The following ANKRD6 variants were observed in gnomAD, a reference collection of about 807,000 sequenced individuals.
ANKRD6 encodes ankyrin repeat domain-containing protein 6.
Under a neutral mutation model 82.3 loss-of-function variants are expected in ANKRD6, and 56 were observed. The observed-to-expected ratio is 0.68, with a 90% CI of 0.55 to 0.85. ANKRD6 has a LOEUF of 0.85. Among genes scored for constraint, ANKRD6 ranks in the 40% least tolerant of loss-of-function variants. The pLI is 0.00. For synonymous variants in ANKRD6, 347 were observed against 352.1 expected (o/e 0.99, Z 0.16); for missense variants, 852 against 907.6 (o/e 0.94, Z 0.79).
intron 1 of ANKRD6, among the ~76,000 whole-genome samples, chr6:89,492,118 G>T (rs1172385080): frequency 3.3e-5 from 5 of 152,228 alleles, no homozygotes; most frequent in African/African-American, 1.2e-4. Flanking sequence ...TTTGTTATGG[G>T]GCCTCAGCCA....
chr6:89,609,038 C>G (rs1486711926), intron 5 of ANKRD6, among the ~76,000 whole-genome samples: 2 of 152,228 alleles, frequency 1.3e-5, no homozygotes, highest in Non-Finnish European at 2.9e-5. Flanking sequence ...GACCTCCAAC[C>G]TGGCCCCAGG....
chr6:89,483,641 G>A (rs1446557971), intron 1 of ANKRD6: 6 of 152,252 alleles, frequency 3.9e-5, no homozygotes, highest in Non-Finnish European at 7.3e-5. Flanking sequence ...TGGAGTGGGA[G>A]TGTTCTCTTT....
At chr6:89,454,646 G>A (rs531430158) in intron 1 of ANKRD6, among the ~76,000 whole-genome samples, 60 of 152,322 alleles carry the variant, frequency 3.9e-4, no homozygotes, top group Non-Finnish European at 6.6e-4. Context: ...TTTGAGGTAC[G>A]TCATTGGGGC....
At chr6:89,532,659 A>G (rs947416408) in intron 1 of ANKRD6, among the ~76,000 whole-genome samples, 2 of 152,174 alleles carry the variant, frequency 1.3e-5, no homozygotes. Context: ...TCATTCAATG[A>G]ATGAAAGAAC....
At chr6:89,577,863 A>C (rs1791493705) in intron 2 of ANKRD6, among the ~76,000 whole-genome samples, 3 of 152,334 alleles carry the variant, frequency 2.0e-5, no homozygotes, top group South Asian at 4.1e-4. Context: ...GTTTTACTGA[A>C]GTTTTTATCT....
At chr6:89,452,374 A>G (rs936157314) in intron 1 of ANKRD6, among the ~76,000 whole-genome samples, 1 of 152,232 alleles carries the variant, frequency 6.6e-6, no homozygotes, top group African/African-American at 2.4e-5. Context: ...TGAAAAAACA[A>G]CATCAGAAGC....
intron 4 of ANKRD6, among the ~76,000 whole-genome samples, chr6:89,604,312 G>A (rs1486848285): frequency 6.6e-6 from 1 of 151,808 alleles, no homozygotes; most frequent in Non-Finnish European, 1.5e-5. Context: ...TGGGCAACAA[G>A]AGCGAAACTC....
intron 1 of ANKRD6, among the ~76,000 whole-genome samples, chr6:89,434,303 T>TAA (rs1304893101): frequency 6.6e-6 from 1 of 152,222 alleles, no homozygotes; most frequent in Non-Finnish European, 1.5e-5. Flanking sequence ...TCTTGTGTGT[T>TAA]AGACACCTTT....
chr6:89,460,909 C>CTTTTTTTTTCTT (rs143153320), intron 1 of ANKRD6, among the ~76,000 whole-genome samples: 1 of 135,900 alleles, frequency 7.4e-6, no homozygotes, highest in African/African-American at 2.8e-5. Context: ...TTTTGGAATT[C>CTTTTTTTTTCTT]TTTTTTTTTG....
At position 89,614,847 on chromosome 6, in the gene ANKRD6, A is replaced by C. The variant is rs548952033; in HGVS notation, c.615+957A>C. The stretch of plus-strand genomic sequence containing the variant: ...CCCCGTCTCTTTAAAGGAAAAAAAA[A>C]AAAACAAAAAAAAAAACCCACCAAG... On this transcript the variant is annotated intron_variant, in intron 7 of 15. Coordinates refer to ENST00000339746, the MANE Select transcript of ANKRD6 (RefSeq NM_001242809.2). 1.8e-3 allele frequency among the ~76,000 whole-genome samples: 271 copies of C among 147,468 alleles called. 1 individual carries two copies. The highest frequency in any genetic ancestry group is 0.017 in the South Asian group (74 of 4,474).
intron 1 of ANKRD6, among the ~76,000 whole-genome samples, chr6:89,522,111 G>C (rs778546299): frequency 9.2e-5 from 14 of 152,194 alleles, no homozygotes; most frequent in Non-Finnish European, 1.9e-4. Context: ...TGTTTTCAGT[G>C]TGCGCATTAT....
chr6:89,624,073 T>TGTCA lies in ANKRD6; in HGVS notation c.1218+18_1218+21dup, dbSNP rs778325709. On this transcript the variant is annotated intron_variant, in intron 12 of 15. Transcript: ENST00000339746. ...AGTGATGCAGGTACCTGCAAAGCAG[T>TGTCA]GTCAGGAGAAGGGAACATAGGCCTT... The TGTCA allele has an allele frequency of 7.6e-6, 12 of 1,586,072 alleles. No homozygotes were observed. Among genetic ancestry groups the TGTCA allele is most frequent in the Non-Finnish European group, 1.0e-5 (12 of 1,165,836 alleles).
chr6:89,486,399 T>C (rs906342939), intron 1 of ANKRD6, among the ~76,000 whole-genome samples: 1 of 152,142 alleles, frequency 6.6e-6, no homozygotes, highest in Non-Finnish European at 1.5e-5. Flanking sequence ...CTCTATGATG[T>C]TCTCACATGA....
intron 1 of ANKRD6, among the ~76,000 whole-genome samples, chr6:89,510,443 C>G (rs996761745): frequency 6.6e-5 from 10 of 151,752 alleles, no homozygotes; most frequent in African/African-American, 2.4e-4. Context: ...ACAGAAAGCA[C>G]CTGGTACTGT....
intron 1 of ANKRD6, among the ~76,000 whole-genome samples, chr6:89,531,627 C>T (rs1423145765): frequency 6.6e-6 from 1 of 152,232 alleles, no homozygotes; most frequent in African/African-American, 2.4e-5. Context: ...GAGATCCGGT[C>T]TCTTGGACCT....
chr6:89,598,252 A>C, intron 3 of ANKRD6: 1 of 985,398 alleles, frequency 1.0e-6, no homozygotes, highest in Non-Finnish European at 1.2e-6. Flanking sequence ...CAATCGTGTC[A>C]ACTCTCATTG....
intron 14 of ANKRD6, 116 bp downstream of exon 14, chr6:89,627,812 T>TC: frequency 1.4e-6 from 1 of 734,060 alleles, no homozygotes; most frequent in Non-Finnish European, 2.2e-6. Context: ...GCTTTTACAT[T>TC]ATATAGTGTA....
intron 3 of ANKRD6, among the ~76,000 whole-genome samples, chr6:89,596,435 A>G (rs1795925604): frequency 6.6e-6 from 1 of 152,094 alleles, no homozygotes; most frequent in South Asian, 2.1e-4. Context: ...GGGATTAAAA[A>G]CTTAATTTTT....
intron 1 of ANKRD6, among the ~76,000 whole-genome samples, chr6:89,477,824 A>T (rs879260961): frequency 3.9e-5 from 6 of 151,984 alleles, no homozygotes; most frequent in African/African-American, 1.2e-4. Context: ...GTTGAAAAAA[A>T]TTTTTTTAAT....
Sources: gnomAD v4.1 joint callset for allele counts (sites outside exome capture counted in the v4.1 genomes callset) on GRCh38, gnomAD v4.1.1 for gene constraint, MANE v1.5 for transcripts, NCBI Gene and HGNC (gene_info 2026-07-23, HGNC 2026-07-21) for gene names.